The following NELL1 variants were observed in gnomAD, a reference collection of about 807,000 sequenced individuals.
The protein encoded by NELL1 is protein kinase C-binding protein NELL1.
A neutral mutation model predicts 107.4 loss-of-function variants in NELL1; 76 were observed. The observed-to-expected ratio is 0.71, with a 90% CI of 0.59 to 0.86. The LOEUF (loss-of-function observed/expected upper bound fraction) is 0.86. Among genes scored for constraint, NELL1 ranks in the 40% least tolerant of loss-of-function variants. The pLI is 0.00. For missense variants in NELL1, 1,024 were observed against 1,005.5 expected, an observed-to-expected ratio of 1.02 and a Z score of -0.25; for synonymous variants, 353 against 341.2, an observed-to-expected ratio of 1.03 and a Z score of -0.38.
chr11:21,367,091 T>C lies in NELL1; in HGVS notation c.1550-3762T>C, dbSNP rs373077120. Among the ~76,000 whole-genome samples the C allele has an allele frequency of 3.9e-5, 6 of 152,206 alleles. 1 individual carries two copies. The South Asian group carries it at 1.2e-3, about 32-fold the overall frequency. On this transcript the variant is annotated intron_variant, in intron 14 of 19. Coordinates refer to ENST00000357134, the MANE Select transcript of NELL1 (RefSeq NM_006157.5). Reference sequence around the variant, plus strand: ...ATAAAAAAAGTACTCTTTCTGTGGATTGAACCTCTCTCAAATATGAATTTT... The same window carrying C: ...ATAAAAAAAGTACTCTTTCTGTGGACTGAACCTCTCTCAAATATGAATTTT...
At chr11:20,933,330 G>A (rs1043920759) in intron 9 of NELL1, among the ~76,000 whole-genome samples, 2 of 152,236 alleles carry the variant, frequency 1.3e-5, no homozygotes, top group African/African-American at 4.8e-5. Flanking sequence ...CAGGGACAGA[G>A]CGTCTGTAAG....
At chr11:21,335,989 C>G (rs35957935) in intron 14 of NELL1, among the ~76,000 whole-genome samples, 1 of 151,670 alleles carries the variant, frequency 6.6e-6, no homozygotes, top group African/African-American at 2.4e-5. Flanking sequence ...TAATTTCATG[C>G]GAAATCAACA....
chr11:20,969,460 A>T (rs1851450747), intron 12 of NELL1, among the ~76,000 whole-genome samples: 1 of 152,162 alleles, frequency 6.6e-6, no homozygotes, highest in Non-Finnish European at 1.5e-5. Flanking sequence ...TCTTCAAACC[A>T]TTAAATTCCA....
chr11:21,404,917 C>A (rs2133802555), intron 15 of NELL1, among the ~76,000 whole-genome samples: 1 of 152,166 alleles, frequency 6.6e-6, no homozygotes, highest in Non-Finnish European at 1.5e-5. Flanking sequence ...AGTCCCCTTA[C>A]TATTCACTTA....
chr11:20,705,312 CA>C (rs1176258409), intron 2 of NELL1, among the ~76,000 whole-genome samples: 1 of 152,072 alleles, frequency 6.6e-6, no homozygotes. Flanking sequence ...GGTACCAAAA[CA>C]GAGATATAGA....
At chr11:21,437,442 C>T (rs1295296649) in intron 15 of NELL1, among the ~76,000 whole-genome samples, 2 of 152,172 alleles carry the variant, frequency 1.3e-5, no homozygotes, top group African/African-American at 4.8e-5. Flanking sequence ...TCACCGCAAC[C>T]TCCGCCTCCT....
intron 15 of NELL1, among the ~76,000 whole-genome samples, chr11:21,444,798 T>C (rs1189065728): frequency 6.6e-6 from 1 of 152,188 alleles, no homozygotes; most frequent in Non-Finnish European, 1.5e-5. Context: ...CACCCTGTTG[T>C]GCTATCCAGT....
intron 12 of NELL1, among the ~76,000 whole-genome samples, chr11:20,971,237 T>A (rs1022513283): frequency 3.9e-5 from 6 of 152,186 alleles, no homozygotes; most frequent in African/African-American, 1.4e-4. Flanking sequence ...GAGACATTTT[T>A]TTGGCTCACT....
rs902411329 is a variant in NELL1, at chr11:21,507,887, T to C, written c.1646-26487T>C. Among the ~76,000 whole-genome samples the C allele has an allele frequency of 7.9e-5, 12 of 151,906 alleles. No homozygotes were observed. The East Asian group carries it at 2.3e-3, about 29-fold the overall frequency. On this transcript the variant is annotated intron_variant, in intron 15 of 19. Coordinates refer to ENST00000357134, the MANE Select transcript of NELL1 (RefSeq NM_006157.5). ...CCTCTACCTGCCGGGTTCCAGCGAT[T>C]CTCCTGCCTCAGCCTCCCAAGTAGC...
Position 21,296,426 on chromosome 11 carries a change from G to GTATA in NELL1, c.1549+66982_1549+66985dup, listed in dbSNP as rs112258805. On this transcript the variant is annotated intron_variant, in intron 14 of 19. Transcript: ENST00000357134. Reference sequence around the variant, plus strand: ...TTGTGATGACAATTCTGCATTATATGTATATATATATATCTCTAATCATCA... The same window carrying GTATA: ...TTGTGATGACAATTCTGCATTATATGTATATATATATATATATCTCTAATCATCA... Among the ~76,000 whole-genome samples the GTATA allele has an allele frequency of 1.8e-3, 272 of 151,006 alleles. 2 individuals carry two copies. Among genetic ancestry groups the GTATA allele is most frequent in the African/African-American group, 6.4e-3 (262 of 41,188 alleles).
chr11:21,075,336 G>A (rs1014062007), intron 12 of NELL1, among the ~76,000 whole-genome samples: 1 of 152,260 alleles, frequency 6.6e-6, no homozygotes, highest in African/African-American at 2.4e-5. Flanking sequence ...TTGATAAGAA[G>A]TACATATATT....
intron 2 of NELL1, among the ~76,000 whole-genome samples, chr11:20,722,880 A>G (rs559770263): frequency 6.6e-6 from 1 of 152,314 alleles, no homozygotes; most frequent in South Asian, 2.1e-4. Flanking sequence ...TATTTGACTC[A>G]CAGTTTTGCT....
At chr11:21,212,298 TAGTATG>T (rs1287797199) in intron 13 of NELL1, among the ~76,000 whole-genome samples, 4 of 152,308 alleles carry the variant, frequency 2.6e-5, no homozygotes, top group Non-Finnish European at 4.4e-5. Context: ...CTGGCTCATA[TAGTATG>T]AGCATAATAA....
intron 13 of NELL1, among the ~76,000 whole-genome samples, chr11:21,153,643 T>A (rs1311474193): frequency 6.6e-6 from 1 of 152,154 alleles, no homozygotes; most frequent in East Asian, 1.9e-4. Context: ...ATCTCTTTAT[T>A]TATCACACTT....
chr11:21,030,230 C>CTACA (rs562485621), intron 12 of NELL1, among the ~76,000 whole-genome samples: 38 of 152,270 alleles, frequency 2.5e-4, no homozygotes, highest in Admixed American at 8.5e-4. Flanking sequence ...GATGTAGGAA[C>CTACA]TGTAGATGGC....
intron 14 of NELL1, among the ~76,000 whole-genome samples, chr11:21,259,684 T>C (rs1436799861): frequency 2.0e-5 from 3 of 151,878 alleles, no homozygotes; most frequent in Non-Finnish European, 4.4e-5. Context: ...AAAAAGAAGA[T>C]GCAAAATACT....
At chr11:20,750,613 C>T (rs1052356291) in intron 2 of NELL1, among the ~76,000 whole-genome samples, 6 of 151,636 alleles carry the variant, frequency 4.0e-5, no homozygotes, top group Non-Finnish European at 7.4e-5. Flanking sequence ...ACAGGGTTCT[C>T]ATTCTGTCAC....
intron 13 of NELL1, among the ~76,000 whole-genome samples, chr11:21,161,552 AAAT>A (rs1170178185): frequency 1.3e-5 from 2 of 152,288 alleles, no homozygotes; most frequent in Non-Finnish European, 2.9e-5. Flanking sequence ...ATAAATAAAA[AAAT>A]AGAACTGCTG....
At chr11:21,038,891 T>G (rs1210939821) in intron 12 of NELL1, among the ~76,000 whole-genome samples, 1 of 152,204 alleles carries the variant, frequency 6.6e-6, no homozygotes, top group Admixed American at 6.5e-5. Flanking sequence ...TTTGTCTGTT[T>G]GCATTGTGTT....
Sources: gnomAD v4.1 joint callset for allele counts (sites outside exome capture counted in the v4.1 genomes callset) on GRCh38, gnomAD v4.1.1 for gene constraint, MANE v1.5 for transcripts, NCBI Gene and HGNC (gene_info 2026-07-23, HGNC 2026-07-21) for gene names.